RFPL2: variants seen among roughly 807,000 people sequenced by gnomAD.
RFPL2 encodes ret finger protein-like 2.
Under a neutral mutation model 17.8 loss-of-function variants are expected in RFPL2, and 13 were observed. The ratio of observed to expected loss-of-function variants is 0.73; its 90% CI spans 0.47 to 1.16. RFPL2 has a LOEUF of 1.16. Among genes scored for constraint, RFPL2 ranks in the 50% most tolerant of loss-of-function variants. The pLI, the probability that RFPL2 is intolerant of heterozygous loss-of-function variation, is 0.00. For missense variants in RFPL2, 431 were observed against 479.3 expected, an observed-to-expected ratio of 0.90 and a Z score of 0.94; for synonymous variants, 189 against 180.9, an observed-to-expected ratio of 1.04 and a Z score of -0.36.
intron 2 of RFPL2, among the ~76,000 whole-genome samples, chr22:32,194,963 G>A (rs1453541289): frequency 6.6e-6 from 1 of 152,076 alleles, no homozygotes; most frequent in Non-Finnish European, 1.5e-5. Flanking sequence ...TGGACCTTGA[G>A]TACTTCACAG....
chr22:32,193,261 G>A, intron 3 of RFPL2, 69 bp from the exon 4 acceptor site: 3 of 1,613,098 alleles, frequency 1.9e-6, no homozygotes, highest in Non-Finnish European at 2.5e-6. Flanking sequence ...TGTGACAAGT[G>A]ACAACCTTTT....
In RFPL2 at chr22:32,199,988, C is replaced by T. The variant is rs541156240; in HGVS notation, c.119+2345G>A. 27 of 521,568 alleles carry T rather than the reference C, an allele frequency of 5.2e-5. 1 individual carries two copies. Among genetic ancestry groups the T allele is most frequent in the African/African-American group, 3.3e-4 (17 of 50,952 alleles). 32.3% of individuals were successfully genotyped at this position (521,568 alleles called of 1,614,324 possible). A position where few individuals can be genotyped will look rare whatever the true frequency, so the allele number is the denominator to read the frequency against. On this transcript the variant is annotated intron_variant, in intron 2 of 4. Transcript: ENST00000652607. ...TCTGAGGAGCTCCAAGCCAAAAGGC[C>T]ACACTGCTGTGTCTCATGAGTGGCT...
At chr22:32,202,096 G>A (rs1306671320) in intron 2 of RFPL2, among the ~76,000 whole-genome samples, 2 of 151,972 alleles carry the variant, frequency 1.3e-5, no homozygotes, top group Non-Finnish European at 2.9e-5. Flanking sequence ...TCTAGAGGAC[G>A]CCCCCAGCTC....
At chr22:32,203,434 G>C (rs926389497) in intron 1 of RFPL2, 1 of 152,220 alleles carries the variant, frequency 6.6e-6, no homozygotes, top group Non-Finnish European at 1.5e-5. Flanking sequence ...TGTAGCCCAG[G>C]ATAGCGCCGC....
chr22:32,203,582 C>A (rs1035492646), intron 1 of RFPL2: 2 of 151,798 alleles, frequency 1.3e-5, no homozygotes, highest in African/African-American at 4.9e-5. Context: ...AACCCGCCTC[C>A]CCACCCAGCC....
chr22:32,190,485 T>A lies in RFPL2; in HGVS notation c.*287A>T, dbSNP rs541907143. 1.1e-5 allele frequency: 3 copies of A among 283,394 alleles called. No homozygotes were observed. The South Asian group carries it at 4.6e-4, about 43-fold the overall frequency. 17.6% of individuals were successfully genotyped at this position (283,394 alleles called of 1,614,324 possible). ...CTCATAACTTCTATAATACATTAAT[T>A]TGAACTTGCAGAAATAAAAAAGTAA... is the stretch of plus-strand genomic sequence containing the variant. On this transcript the variant is annotated 3_prime_UTR_variant, in exon 5 of 5. Transcript: ENST00000652607.
chr22:32,202,871 C>T, intron 1 of RFPL2: 1 of 1,030,788 alleles, frequency 9.7e-7, no homozygotes, highest in South Asian at 3.8e-5. Context: ...CCCACAGGGC[C>T]CTGTAGCCTC....
chr22:32,192,845 C>A (rs2149524960), intron 4 of RFPL2, 57 bp downstream of exon 4: 2 of 1,542,398 alleles, frequency 1.3e-6, no homozygotes, highest in East Asian at 4.5e-5. Flanking sequence ...GCCAACTGCA[C>A]AAATGATTTT....
Position 32,190,890 on chromosome 22 carries a change from A to G in RFPL2, c.1019T>C (p.Leu340Ser). ...AACTGAAGGAGCCAAAAATGGGCGCAATGGCTCCTCAGCAGATACGCTCCT... is the reference window on the plus strand; with the variant it reads ...AACTGAAGGAGCCAAAAATGGGCGCGATGGCTCCTCAGCAGATACGCTCCT... ...TFRSVSAEEP[L>S]RPFLAPSVPP... The change falls in exon 5 of 5, where the codon TTG becomes TCG. Residue 340 changes from leucine (L) to serine (S), a missense_variant. Leu to Ser is a moderately radical substitution (Grantham distance 145, BLOSUM62 -2). Coordinates refer to ENST00000652607, the MANE Select transcript of RFPL2 (RefSeq NM_001394555.1). The G allele has an allele frequency of 6.3e-7, 1 of 1,595,320 alleles. No homozygotes were observed. Among genetic ancestry groups the G allele is most frequent in the Non-Finnish European group, 8.5e-7 (1 of 1,170,208 alleles).
intron 2 of RFPL2, chr22:32,200,288 A>C: frequency 4.1e-6 from 1 of 242,392 alleles, no homozygotes; most frequent in South Asian, 5.0e-5. Context: ...ATCCCAGAAC[A>C]GGGATCCCCT....
intron 2 of RFPL2, among the ~76,000 whole-genome samples, chr22:32,201,139 G>A (rs961433440): frequency 6.7e-6 from 1 of 148,588 alleles, no homozygotes; most frequent in East Asian, 2.0e-4. Context: ...CCAGGTTCAC[G>A]CCATTCTCCT....
chr22:32,192,709 G>A (rs1268056814), intron 4 of RFPL2, among the ~76,000 whole-genome samples, 193 bp downstream of exon 4: 1 of 152,164 alleles, frequency 6.6e-6, no homozygotes, highest in Non-Finnish European at 1.5e-5. Context: ...TAGACATCGG[G>A]TTTTTGTTTG....
intron 2 of RFPL2, among the ~76,000 whole-genome samples, chr22:32,201,399 A>C (rs926129540): frequency 6.6e-6 from 1 of 152,124 alleles, no homozygotes; most frequent in African/African-American, 2.4e-5. Context: ...TGGTTTTCTC[A>C]ATGTTGAAGC....
chr22:32,199,914 C>CA (rs397831979), intron 2 of RFPL2: 1 of 493,424 alleles, frequency 2.0e-6, no homozygotes, highest in African/African-American at 2.1e-5. Flanking sequence ...CTCGCCCACT[C>CA]ACAGGCCAGC....
At position 32,193,052 on chromosome 22, in the gene RFPL2, C is replaced by T; in HGVS notation, c.406G>A (p.Asp136Asn). ...ATGGAAGAGCAACAGCAAAGTAGAT[C>T]CTCCCCATGGGGCTCCTTCTGCAGT... ...NSLQKEPHGEDLLCCCSSMVS... is the reference protein window; with the variant it reads ...NSLQKEPHGENLLCCCSSMVS... Residue 136 changes from aspartate to asparagine, a missense_variant, in exon 4 of 5, where the codon GAT becomes AAT. Asp to Asn is a conservative substitution (Grantham distance 23). Transcript: ENST00000652607. 1 of 1,614,000 alleles carries T rather than the reference C, an allele frequency of 6.2e-7. No individual in the cohort carries two copies. Among genetic ancestry groups the T allele is most frequent in the Non-Finnish European group, 8.5e-7 (1 of 1,179,884 alleles).
intron 1 of RFPL2, chr22:32,203,430 C>A (rs1385640133): frequency 6.6e-6 from 1 of 152,214 alleles, no homozygotes; most frequent in Non-Finnish European, 1.5e-5. Flanking sequence ...GCGGTGTAGC[C>A]CAGGATAGCG....
chr22:32,191,007 C>T lies in RFPL2; in HGVS notation c.902G>A (p.Arg301His), dbSNP rs1351536513. 8.7e-6 allele frequency: 14 copies of T among 1,613,240 alleles called. No individual in the cohort carries two copies. The highest frequency in any genetic ancestry group is 2.2e-5 in the South Asian group (2 of 91,012). Residue 301 changes from arginine to histidine, a missense_variant, in exon 5 of 5, where the codon CGC becomes CAC. Physicochemically the swap from Arg to His is conservative, Grantham distance 29. Coordinates refer to ENST00000652607, the MANE Select transcript of RFPL2 (RefSeq NM_001394555.1). ...AAAAATCCCCACTCGCTGTAACTTG[C>T]GGTCTACGAAGAGGAAAGTCAGCGG... Reference protein sequence around the residue: ...TVPLTFLFVDRKLQRVGIFLD... With the variant: ...TVPLTFLFVDHKLQRVGIFLD...
At chr22:32,196,112 A>T (rs1376922558) in intron 2 of RFPL2, among the ~76,000 whole-genome samples, 1 of 152,192 alleles carries the variant, frequency 6.6e-6, no homozygotes, top group Non-Finnish European at 1.5e-5. Context: ...GAGTGAGAAC[A>T]TGCGGTATTT....
At chr22:32,201,615 A>G (rs1363441126) in intron 2 of RFPL2, among the ~76,000 whole-genome samples, 1 of 152,016 alleles carries the variant, frequency 6.6e-6, no homozygotes, top group African/African-American at 2.4e-5. Context: ...ATTTATAGAA[A>G]CACTTCTTTA....
Sources: allele counts gnomAD v4.1 joint callset (sites outside exome capture counted in the v4.1 genomes callset), GRCh38; gene constraint gnomAD v4.1.1; transcripts MANE v1.5; gene names NCBI Gene and HGNC (gene_info 2026-07-23, HGNC 2026-07-21).